TBC1D5: variants seen among roughly 807,000 people sequenced by gnomAD.
TBC1D5 encodes TBC1 domain family member 5, also known as TBC1 domain family, member 5.
In TBC1D5, 75 loss-of-function variants were observed where a neutral mutation model predicts 100.3. The ratio of observed to expected loss-of-function variants is 0.75; its 90% CI spans 0.62 to 0.91. The LOEUF (loss-of-function observed/expected upper bound fraction) is 0.91. TBC1D5 is among the 40% of genes least tolerant of loss of function. The pLI, the probability that TBC1D5 is intolerant of heterozygous loss-of-function variation, is 0.00. For synonymous variants in TBC1D5, 323 were observed against 325.6 expected, an observed-to-expected ratio of 0.99 and a Z score of 0.09; for missense variants, 910 against 942.4, an observed-to-expected ratio of 0.97 and a Z score of 0.45.
rs545511465 is a variant in TBC1D5, at chr3:17,596,284, G to A, written c.-36+27565C>T. ...CAGATTCTCCCAAATATTCTGATGC[G>A]TTAGTGGAAGATAATATTTTTCCAG... On this transcript the variant is annotated intron_variant, in intron 2 of 21. Coordinates refer to ENST00000253692, the Ensembl canonical transcript of TBC1D5. Among the ~76,000 whole-genome samples, 273 of 147,478 alleles carry A rather than the reference G, an allele frequency of 1.9e-3. 2 individuals carry two copies. The highest frequency in any genetic ancestry group is 3.3e-3 in the Non-Finnish European group (220 of 67,006).
chr3:17,207,752 A>C (rs2072413365), intron 18 of TBC1D5, among the ~76,000 whole-genome samples: 1 of 152,364 alleles, frequency 6.6e-6, no homozygotes, highest in African/African-American at 2.4e-5. Flanking sequence ...TGTCATACCT[A>C]TATAGATTTT....
chr3:17,733,972 G>T (rs1029647119), intron 1 of TBC1D5, among the ~76,000 whole-genome samples: 1 of 151,948 alleles, frequency 6.6e-6, no homozygotes, highest in African/African-American at 2.4e-5. Flanking sequence ...AAAGAAAATG[G>T]GTTCCAGCCT....
intron 1 of TBC1D5, among the ~76,000 whole-genome samples, chr3:17,700,471 T>C (rs2072989978): frequency 2.0e-5 from 3 of 151,894 alleles, no homozygotes; most frequent in African/African-American, 7.3e-5. Context: ...AAGCCAAAAT[T>C]GACAAATGGG....
At position 17,490,728 on chromosome 3, in the gene TBC1D5, A is replaced by T. The variant is rs557963863; in HGVS notation, c.97+17746T>A. On this transcript the variant is annotated intron_variant, in intron 3 of 21. Transcript: ENST00000253692. ...GTTGGTTACTGTAGCTTTGTAGTAT[A>T]GTTTGAAGTCGGGTAGCATGATGCC... is the stretch of plus-strand genomic sequence containing the variant. Among the ~76,000 whole-genome samples, 14 of 152,238 alleles carry T rather than the reference A, an allele frequency of 9.2e-5. No homozygotes were observed. The South Asian group carries it at 2.9e-3, about 32-fold the overall frequency.
intron 16 of TBC1D5, among the ~76,000 whole-genome samples, chr3:17,255,796 C>T (rs1055259574): frequency 3.9e-5 from 6 of 151,974 alleles, no homozygotes; most frequent in African/African-American, 4.8e-5. Context: ...CCCAGCACTT[C>T]GGGAGGCTGA....
intron 2 of TBC1D5, among the ~76,000 whole-genome samples, chr3:17,515,329 G>A (rs2095970610): frequency 6.6e-6 from 1 of 152,114 alleles, no homozygotes; most frequent in African/African-American, 2.4e-5. Context: ...TTTTTATTAA[G>A]TAGTAGGGCT....
chr3:17,289,871 G>A (rs139268075), intron 15 of TBC1D5, among the ~76,000 whole-genome samples: 2 of 152,270 alleles, frequency 1.3e-5, no homozygotes, highest in East Asian at 1.9e-4. Context: ...ATTAACACAC[G>A]TGTCAAGTGA....
chr3:17,682,950 C>T (rs2069706007), intron 1 of TBC1D5, among the ~76,000 whole-genome samples: 1 of 151,428 alleles, frequency 6.6e-6, no homozygotes, highest in Non-Finnish European at 1.5e-5. Flanking sequence ...CAGAGGTGCT[C>T]TGAATATTTA....
chr3:17,420,172 T>C (rs969699119), intron 4 of TBC1D5, among the ~76,000 whole-genome samples: 8 of 150,816 alleles, frequency 5.3e-5, no homozygotes, highest in African/African-American at 1.7e-4. Context: ...AACAAAGATA[T>C]ACATAATGAT....
chr3:17,266,954 T>C (rs1048060614), intron 15 of TBC1D5, among the ~76,000 whole-genome samples: 2 of 151,970 alleles, frequency 1.3e-5, no homozygotes, highest in African/African-American at 4.8e-5. Flanking sequence ...ACACCGTTAA[T>C]TGGGTAAAGA....
intron 1 of TBC1D5, among the ~76,000 whole-genome samples, chr3:17,658,436 C>G (rs2066314560): frequency 6.6e-6 from 1 of 151,930 alleles, no homozygotes; most frequent in Non-Finnish European, 1.5e-5. Flanking sequence ...CAGTCCGAAA[C>G]AGGAAAAATC....
intron 1 of TBC1D5, among the ~76,000 whole-genome samples, chr3:17,656,906 C>T (rs1176741053): frequency 6.6e-6 from 1 of 152,062 alleles, no homozygotes; most frequent in Non-Finnish European, 1.5e-5. Context: ...GAATGAGGTA[C>T]AGATTTGTCA....
At chr3:17,516,822 C>G (rs2095995711) in intron 2 of TBC1D5, among the ~76,000 whole-genome samples, 1 of 152,154 alleles carries the variant, frequency 6.6e-6, no homozygotes, top group African/African-American at 2.4e-5. Context: ...TTTAAGAGGT[C>G]CTAAATTCAG....
At chr3:17,206,838 C>G (rs759945146) in intron 18 of TBC1D5, among the ~76,000 whole-genome samples, 1 of 152,278 alleles carries the variant, frequency 6.6e-6, no homozygotes, top group Admixed American at 6.5e-5. Flanking sequence ...CAAAATATCA[C>G]GCAGTTTATC....
chr3:17,432,486 CTAAT>C (rs2094461875), intron 3 of TBC1D5, among the ~76,000 whole-genome samples: 1 of 152,122 alleles, frequency 6.6e-6, no homozygotes, highest in African/African-American at 2.4e-5. Context: ...CCACCCCAAG[CTAAT>C]TACTTATGCT....
intron 17 of TBC1D5, among the ~76,000 whole-genome samples, chr3:17,219,695 G>A (rs1036902512): frequency 3.9e-5 from 6 of 151,958 alleles, no homozygotes; most frequent in Admixed American, 3.9e-4. Flanking sequence ...GCATCCTCCT[G>A]TGGTTGTAAG....
At chr3:17,334,667 A>T (rs1477938683) in intron 13 of TBC1D5, among the ~76,000 whole-genome samples, 1 of 152,158 alleles carries the variant, frequency 6.6e-6, no homozygotes, top group African/African-American at 2.4e-5. Context: ...GTTAAGGGCA[A>T]ATACACCTTT....
chr3:17,345,441 G>C (rs1006520928), intron 13 of TBC1D5, among the ~76,000 whole-genome samples: 2 of 152,050 alleles, frequency 1.3e-5, no homozygotes, highest in Non-Finnish European at 2.9e-5. Flanking sequence ...AGAGTATGTG[G>C]AGAAATAGGA....
intron 17 of TBC1D5, among the ~76,000 whole-genome samples, chr3:17,219,313 T>G (rs2074013839): frequency 6.6e-6 from 1 of 151,920 alleles, no homozygotes; most frequent in African/African-American, 2.4e-5. Context: ...GAGACACTAT[T>G]CTCTTTCATT....
Sources: allele counts gnomAD v4.1 joint callset (sites outside exome capture counted in the v4.1 genomes callset), GRCh38; gene constraint gnomAD v4.1.1; transcripts MANE v1.5; gene names NCBI Gene and HGNC (gene_info 2026-07-23, HGNC 2026-07-21).